NFILZ: variants seen among roughly 807,000 people sequenced by gnomAD.
NFILZ encodes the protein NFIL3 like basic leucine zipper.
At chr19:8,632,161 G>T (rs970864196) in intron 1 of NFILZ, among the ~76,000 whole-genome samples, 1 of 151,714 alleles carries the variant, frequency 6.6e-6, no homozygotes, top group East Asian at 2.0e-4. Flanking sequence ...GAGCCACCGC[G>T]CCCGGCCGCC....
At chr19:8,641,172 C>A (rs1395931712) in intron 3 of NFILZ, among the ~76,000 whole-genome samples, 14 of 152,154 alleles carry the variant, frequency 9.2e-5, no homozygotes, top group Admixed American at 9.2e-4. Context: ...ACCTCAGCCT[C>A]CCGCGTAGCT....
At chr19:8,671,899 G>C (rs1024718589) in intron 3 of NFILZ, among the ~76,000 whole-genome samples, 4 of 152,186 alleles carry the variant, frequency 2.6e-5, no homozygotes, top group Non-Finnish European at 5.9e-5. Context: ...GTGAGGGCTT[G>C]TCTGGGGTCT....
intron 3 of NFILZ, among the ~76,000 whole-genome samples, chr19:8,672,129 T>A (rs1050287982): frequency 3.3e-5 from 5 of 152,250 alleles, no homozygotes; most frequent in Non-Finnish European, 7.3e-5. Context: ...CAAAAAGATA[T>A]TCATGCATTT....
At chr19:8,637,612 CAAA>C (rs35527793) in intron 3 of NFILZ, among the ~76,000 whole-genome samples, 2 of 142,610 alleles carry the variant, frequency 1.4e-5, no homozygotes, top group Non-Finnish European at 1.5e-5. Flanking sequence ...GACTCCATCT[CAAA>C]AAAAAAAAAG....
chr19:8,657,207 T>C (rs1305473957), intron 3 of NFILZ, among the ~76,000 whole-genome samples: 1 of 151,410 alleles, frequency 6.6e-6, no homozygotes, highest in Admixed American at 6.6e-5. Context: ...TACAGTGGTA[T>C]GATCTCGGCT....
At chr19:8,671,550 C>A (rs541277010) in intron 3 of NFILZ, among the ~76,000 whole-genome samples, 2 of 152,056 alleles carry the variant, frequency 1.3e-5, no homozygotes, top group African/African-American at 4.8e-5. Context: ...TATGTGACTA[C>A]CAGCCCACAC....
intron 3 of NFILZ, among the ~76,000 whole-genome samples, chr19:8,656,889 A>T (rs1172606345): frequency 6.6e-6 from 1 of 151,636 alleles, no homozygotes; most frequent in Non-Finnish European, 1.5e-5. Flanking sequence ...GCTCCAGGGG[A>T]GGTGGGGGAG....
intron 3 of NFILZ, among the ~76,000 whole-genome samples, chr19:8,660,804 A>AT (rs2043026961): frequency 6.6e-6 from 1 of 150,380 alleles, no homozygotes; most frequent in African/African-American, 2.4e-5. Context: ...TGCCTGGTTA[A>AT]TTTTTTTGTA....
intron 3 of NFILZ, among the ~76,000 whole-genome samples, chr19:8,673,537 G>A (rs2043097535): frequency 6.6e-6 from 1 of 152,210 alleles, no homozygotes; most frequent in Non-Finnish European, 1.5e-5. Context: ...TGGTCCAGAT[G>A]TCTTTCGGCT....
chr19:8,676,335 T>C (rs1458592506), intron 4 of NFILZ, among the ~76,000 whole-genome samples, 24 bp from the exon 5 acceptor site: 2 of 152,232 alleles, frequency 1.3e-5, no homozygotes, highest in Non-Finnish European at 2.9e-5. Context: ...TTTACCTCCA[T>C]GGATACATAT....
chr19:8,663,772 A>ATGTGTGTG (rs1555749471), intron 3 of NFILZ, among the ~76,000 whole-genome samples: 2 of 77,024 alleles, frequency 2.6e-5, no homozygotes, highest in African/African-American at 1.6e-4. Flanking sequence ...GTGTGTGTGT[A>ATGTGTGTG]TGTATGTGTG....
At chr19:8,660,986 CCTT>C (rs2043027830) in intron 3 of NFILZ, among the ~76,000 whole-genome samples, 1 of 143,542 alleles carries the variant, frequency 7.0e-6, no homozygotes, top group Admixed American at 6.9e-5. Flanking sequence ...TCTTTCCCTC[CCTT>C]TTCCTTCCTT....
At chr19:8,669,680 G>A (rs2043078374) in intron 3 of NFILZ, among the ~76,000 whole-genome samples, 1 of 152,222 alleles carries the variant, frequency 6.6e-6, no homozygotes, top group African/African-American at 2.4e-5. Flanking sequence ...GGTGCATTAG[G>A]AAGGGTTTGG....
At chr19:8,637,930 A>AAAAAAAAAG (rs1421127557) in intron 3 of NFILZ, among the ~76,000 whole-genome samples, 35 of 149,418 alleles carry the variant, frequency 2.3e-4, no homozygotes, top group African/African-American at 8.3e-4. Context: ...AAAAAAAAAA[A>AAAAAAAAAG]AAAAGAAAAG....
chr19:8,680,713 T>C lies in NFILZ; in HGVS notation c.*3078T>C, dbSNP rs2043142720. On this transcript the variant is annotated 3_prime_UTR_variant, in exon 6 of 6. Coordinates refer to ENST00000691075, the MANE Select transcript of NFILZ (RefSeq NM_001378600.1). The stretch of plus-strand genomic sequence containing the variant: ...GGGAAAGGTAGGTGTGGGTGCGTTG[T>C]AATAATTGAAATAGGGAGATCAGGA... Among the ~76,000 whole-genome samples, 1 of 152,150 alleles carries C rather than the reference T, an allele frequency of 6.6e-6. No homozygotes were observed. The highest frequency in any genetic ancestry group is 6.5e-5 in the Admixed American group (1 of 15,270).
At chr19:8,660,401 A>G (rs1250327788) in intron 3 of NFILZ, among the ~76,000 whole-genome samples, 1 of 150,916 alleles carries the variant, frequency 6.6e-6, no homozygotes, top group Admixed American at 6.6e-5. Context: ...AGCGGCAGAG[A>G]CATACACCAA....
chr19:8,643,599 G>A (rs969827775), intron 3 of NFILZ, among the ~76,000 whole-genome samples: 1 of 152,182 alleles, frequency 6.6e-6, no homozygotes, highest in Non-Finnish European at 1.5e-5. Context: ...GAGGAAGGTT[G>A]AATTCTGTCT....
chr19:8,633,939 CTTCCTTCCCTCCCTTCT>C (rs1313997115), intron 2 of NFILZ, among the ~76,000 whole-genome samples: 40 of 144,222 alleles, frequency 2.8e-4, no homozygotes, highest in African/African-American at 9.9e-4. Flanking sequence ...TCCTTCCTTC[CTTCCTTCCCTCCCTTCT>C]TTCCTTCTCT....
At chr19:8,656,500 AGCCCACCTTCTCCTG>A (rs2043003886) in intron 3 of NFILZ, among the ~76,000 whole-genome samples, 1 of 111,972 alleles carries the variant, frequency 8.9e-6, no homozygotes, top group Non-Finnish European at 2.0e-5. Context: ...CTTCTCCCGC[AGCCCACCTTCTCCTG>A]CAGCCCACCT....
Sources: allele counts gnomAD v4.1 joint callset (sites outside exome capture counted in the v4.1 genomes callset), GRCh38; gene constraint gnomAD v4.1.1; transcripts MANE v1.5; gene names NCBI Gene and HGNC (gene_info 2026-07-23, HGNC 2026-07-21).